SORCS3: variants seen among roughly 807,000 people sequenced by gnomAD.
SORCS3 encodes the protein sortilin related VPS10 domain containing receptor 3.
A neutral mutation model predicts 146.3 loss-of-function variants in SORCS3; 57 were observed. The ratio of observed to expected loss-of-function variants is 0.39; its 90% CI spans 0.31 to 0.49. The LOEUF (loss-of-function observed/expected upper bound fraction) is 0.49, where lower values mean the gene tolerates loss of function less well. Ranked by LOEUF, SORCS3 falls within the 20% of genes least tolerant of loss-of-function variation. SORCS3 has a pLI of 0.92. For synonymous variants in SORCS3, 653 were observed against 618.5 expected (o/e 1.06, Z -0.83); for missense variants, 1,341 against 1,575.5 (o/e 0.85, Z 2.52).
chr10:104,645,053 G>T (rs2015474507), intron 1 of SORCS3, among the ~76,000 whole-genome samples: 1 of 152,102 alleles, frequency 6.6e-6, no homozygotes, highest in African/African-American at 2.4e-5. Flanking sequence ...ATGGCTTTGG[G>T]GACAAAGGAG....
chr10:104,774,977 CTAAT>C (rs2017292338), intron 1 of SORCS3, among the ~76,000 whole-genome samples: 3 of 152,286 alleles, frequency 2.0e-5, no homozygotes, highest in Middle Eastern at 3.4e-3. Flanking sequence ...TCCAGAGACT[CTAAT>C]TATTTCTTGT....
chr10:105,164,431 C>G (rs2056295316), intron 12 of SORCS3, 52 bp downstream of exon 12: 2 of 1,172,680 alleles, frequency 1.7e-6, no homozygotes, highest in African/African-American at 1.5e-5. Context: ...TAAGTTCTAC[C>G]AATCTCTCTC....
intron 2 of SORCS3, among the ~76,000 whole-genome samples, chr10:104,856,147 C>T (rs1234459208): frequency 6.6e-6 from 1 of 152,102 alleles, no homozygotes; most frequent in Non-Finnish European, 1.5e-5. Flanking sequence ...TTTGGCTCTA[C>T]TCAGACCCTG....
chr10:105,172,837 T>C (rs2056371131), intron 13 of SORCS3, among the ~76,000 whole-genome samples: 1 of 152,212 alleles, frequency 6.6e-6, no homozygotes, highest in Non-Finnish European at 1.5e-5. Context: ...GGTGGCTTGA[T>C]TACCTCTCAT....
chr10:105,173,788 GTTC>G (rs2056379121), intron 13 of SORCS3, among the ~76,000 whole-genome samples: 1 of 152,084 alleles, frequency 6.6e-6, no homozygotes, highest in Non-Finnish European at 1.5e-5. Flanking sequence ...CCATCTTTCT[GTTC>G]TTCTCACAGG....
At chr10:105,105,371 A>G in intron 6 of SORCS3, 26 bp from the exon 7 acceptor site, 2 of 1,499,810 alleles carry the variant, frequency 1.3e-6, no homozygotes, top group South Asian at 1.1e-5. Flanking sequence ...CTTGTATCTA[A>G]GCATCACTCT....
chr10:104,697,996 T>G (rs1310833602), intron 1 of SORCS3, among the ~76,000 whole-genome samples: 1 of 152,180 alleles, frequency 6.6e-6, no homozygotes, highest in East Asian at 1.9e-4. Context: ...CTGTTGTGCT[T>G]TATCAAAGAG....
chr10:104,654,219 G>A (rs1336465216), intron 1 of SORCS3, among the ~76,000 whole-genome samples: 1 of 152,166 alleles, frequency 6.6e-6, no homozygotes, highest in Non-Finnish European at 1.5e-5. Flanking sequence ...GGACAGTCAG[G>A]TTGCTTCCAA....
chr10:104,858,722 A>C (rs2018363878), intron 2 of SORCS3, among the ~76,000 whole-genome samples: 1 of 151,748 alleles, frequency 6.6e-6, no homozygotes, highest in Non-Finnish European at 1.5e-5. Context: ...CCCGGGTTCA[A>C]GCCATTCTCC....
intron 6 of SORCS3, among the ~76,000 whole-genome samples, chr10:105,093,833 G>A (rs999935722): frequency 6.6e-6 from 1 of 152,040 alleles, no homozygotes; most frequent in Non-Finnish European, 1.5e-5. Context: ...TTGGTAGTTT[G>A]TTATAAAGTT....
intron 24 of SORCS3, 72 bp downstream of exon 24, chr10:105,255,873 C>T: frequency 3.3e-6 from 4 of 1,220,970 alleles, no homozygotes; most frequent in Non-Finnish European, 4.8e-6. Context: ...AGGAGAGAAT[C>T]ATGAAACCCT....
At chr10:104,769,683 G>A (rs1218058063) in intron 1 of SORCS3, among the ~76,000 whole-genome samples, 1 of 152,096 alleles carries the variant, frequency 6.6e-6, no homozygotes, top group Non-Finnish European at 1.5e-5. Context: ...CATCTGCTTG[G>A]AGCCAGGGAC....
intron 7 of SORCS3, among the ~76,000 whole-genome samples, chr10:105,118,732 T>G (rs985684698): frequency 6.6e-6 from 1 of 152,202 alleles, no homozygotes; most frequent in Non-Finnish European, 1.5e-5. Context: ...ACTCTTGTTA[T>G]GCTTTAGCAA....
At chr10:104,831,181 A>G (rs1319797422) in intron 1 of SORCS3, among the ~76,000 whole-genome samples, 3 of 152,170 alleles carry the variant, frequency 2.0e-5, no homozygotes, top group Admixed American at 6.5e-5. Context: ...CAAGAAAGAG[A>G]TTCATGAAGT....
chr10:104,826,887 A>G (rs1007492157), intron 1 of SORCS3, among the ~76,000 whole-genome samples: 6 of 152,258 alleles, frequency 3.9e-5, no homozygotes, highest in Admixed American at 3.9e-4. Flanking sequence ...TTTATGGAAT[A>G]GTCTAAATCT....
chr10:104,696,486 T>TAATATATAGAATATAG (rs1564661346), intron 1 of SORCS3, among the ~76,000 whole-genome samples: 12 of 43,242 alleles, frequency 2.8e-4, no homozygotes, highest in Non-Finnish European at 3.6e-4. Context: ...ATAGAATATA[T>TAATATATAGAATATAG]AATATATAAT....
intron 13 of SORCS3, among the ~76,000 whole-genome samples, chr10:105,169,451 G>A (rs1462372718): frequency 6.6e-6 from 1 of 151,994 alleles, no homozygotes; most frequent in Non-Finnish European, 1.5e-5. Flanking sequence ...CAGCCCTCAT[G>A]TCATCTCCTG....
intron 1 of SORCS3, among the ~76,000 whole-genome samples, chr10:104,801,759 A>G (rs2017626511): frequency 6.6e-6 from 1 of 152,224 alleles, no homozygotes; most frequent in Admixed American, 6.5e-5. Flanking sequence ...TAATTCTTAC[A>G]CCAAAATCTT....
intron 5 of SORCS3, among the ~76,000 whole-genome samples, chr10:105,085,543 G>A (rs1308755482): frequency 6.6e-6 from 1 of 152,088 alleles, no homozygotes; most frequent in African/African-American, 2.4e-5. Flanking sequence ...AGATAATTAG[G>A]GTCTCTGGCC....
Sources: gnomAD v4.1 joint callset for allele counts (sites outside exome capture counted in the v4.1 genomes callset) on GRCh38, gnomAD v4.1.1 for gene constraint, MANE v1.5 for transcripts, NCBI Gene and HGNC (gene_info 2026-07-23, HGNC 2026-07-21) for gene names.